Variants in SNTG1 observed in about 807,000 individuals in gnomAD.
SNTG1 encodes the protein syntrophin gamma 1, also known as gamma-1-syntrophin.
In SNTG1, 39 loss-of-function variants were observed where a neutral mutation model predicts 74.7. The observed-to-expected ratio is 0.52, with a 90% confidence interval of 0.40 to 0.68. The LOEUF (loss-of-function observed/expected upper bound fraction) is 0.68. SNTG1 is among the 30% of genes least tolerant of loss of function. SNTG1 has a pLI of 0.00. For synonymous variants in SNTG1, 254 were observed against 217.1 expected (o/e 1.17, Z -1.49); for missense variants, 685 against 609.5 (o/e 1.12, Z -1.30).
At chr8:50,380,168 T>A (rs920819750) in intron 2 of SNTG1, among the ~76,000 whole-genome samples, 1 of 152,192 alleles carries the variant, frequency 6.6e-6, no homozygotes, top group African/African-American at 2.4e-5. Context: ...CATAAAAAGG[T>A]TAAAGATGCT....
At chr8:50,158,690 G>A (rs1038379619) in intron 1 of SNTG1, among the ~76,000 whole-genome samples, 1 of 151,950 alleles carries the variant, frequency 6.6e-6, no homozygotes, top group African/African-American at 2.4e-5. Context: ...CAGTAATACT[G>A]CATAATTTGT....
At chr8:49,997,516 T>G (rs1814341224) in intron 1 of SNTG1, among the ~76,000 whole-genome samples, 1 of 152,130 alleles carries the variant, frequency 6.6e-6, no homozygotes, top group Non-Finnish European at 1.5e-5. Context: ...TCAAGTCCTA[T>G]TTCTCCCACC....
intron 2 of SNTG1, among the ~76,000 whole-genome samples, chr8:50,268,971 T>C (rs185332839): frequency 1.3e-5 from 2 of 152,270 alleles, no homozygotes; most frequent in Admixed American, 6.5e-5. Flanking sequence ...AACCAGTTTT[T>C]GAAAGGTACA....
At chr8:50,298,239 GTATT>G (rs2089482449) in intron 2 of SNTG1, among the ~76,000 whole-genome samples, 1 of 152,048 alleles carries the variant, frequency 6.6e-6, no homozygotes, top group East Asian at 1.9e-4. Context: ...ATCTGCCTAA[GTATT>G]TATATTTCAA....
intron 15 of SNTG1, among the ~76,000 whole-genome samples, chr8:50,688,759 T>C (rs544970882): frequency 1.3e-5 from 2 of 152,266 alleles, no homozygotes; most frequent in East Asian, 1.9e-4. Flanking sequence ...TGGTTCCATA[T>C]GAACTTTAAA....
chr8:49,991,782 C>T (rs1054375519), intron 1 of SNTG1, among the ~76,000 whole-genome samples: 5 of 152,058 alleles, frequency 3.3e-5, no homozygotes. Flanking sequence ...AAAATAGGTT[C>T]GTGGTTGCCA....
intron 2 of SNTG1, among the ~76,000 whole-genome samples, chr8:50,183,189 T>C (rs1376266632): frequency 2.0e-5 from 3 of 152,226 alleles, no homozygotes; most frequent in Non-Finnish European, 2.9e-5. Context: ...GACATCAACC[T>C]GGTCACTCCT....
At chr8:50,551,048 T>C in intron 11 of SNTG1, among the ~76,000 whole-genome samples, 1 of 152,074 alleles carries the variant, frequency 6.6e-6, no homozygotes, top group Non-Finnish European at 1.5e-5. Context: ...GATCCACCAA[T>C]TATTCAGAAA....
rs146907803 is a variant in SNTG1, at chr8:49,922,065, A to C, written c.-103+9834A>C. 8.6e-3 allele frequency among the ~76,000 whole-genome samples: 1,304 copies of C among 152,206 alleles called. 26 individuals are homozygous for C. The highest frequency in any genetic ancestry group is 0.03 in the African/African-American group (1,234 of 41,528). On this transcript the variant is annotated intron_variant, in intron 1 of 18. Coordinates refer to ENST00000642720, the MANE Select transcript of SNTG1 (RefSeq NM_018967.5). ...ATTTTTCTAAAAGAAATTTTGGAGC[A>C]TGAAGAATGCATACAAGGGGTCTGC...
chr8:50,465,588 C>G lies in SNTG1; in HGVS notation c.363+14859C>G, dbSNP rs144695310. Reference sequence around the variant, plus strand: ...TAGTTTCACTGCCCTAAAAAATCCTCTAGGATCCATTTGTTCCTACTATCC... The same window carrying G: ...TAGTTTCACTGCCCTAAAAAATCCTGTAGGATCCATTTGTTCCTACTATCC... On this transcript the variant is annotated intron_variant, in intron 8 of 18. Transcript: ENST00000642720. Among the ~76,000 whole-genome samples the G allele has an allele frequency of 1.8e-3, 277 of 152,276 alleles. 4 individuals are homozygous for G. The highest frequency in any genetic ancestry group is 6.3e-3 in the African/African-American group (262 of 41,582).
intron 1 of SNTG1, among the ~76,000 whole-genome samples, chr8:50,169,540 A>G (rs902691149): frequency 6.6e-6 from 1 of 152,226 alleles, no homozygotes; most frequent in Non-Finnish European, 1.5e-5. Flanking sequence ...TGGGAAGGAC[A>G]TGGTGGCAAG....
intron 2 of SNTG1, among the ~76,000 whole-genome samples, chr8:50,390,272 G>A (rs568719149): frequency 6.6e-6 from 1 of 152,276 alleles, no homozygotes; most frequent in South Asian, 2.1e-4. Context: ...AAGGTATAAG[G>A]AAGGGATCCA....
chr8:50,596,392 A>C (rs948971440), intron 13 of SNTG1, among the ~76,000 whole-genome samples: 1 of 152,052 alleles, frequency 6.6e-6, no homozygotes, highest in African/African-American at 2.4e-5. Flanking sequence ...TAAATTTTCA[A>C]CTATTTTTTA....
intron 12 of SNTG1, among the ~76,000 whole-genome samples, chr8:50,553,752 C>G (rs185924749): frequency 1.3e-5 from 2 of 152,128 alleles, no homozygotes; most frequent in Non-Finnish European, 2.9e-5. Context: ...ATTATTTTAA[C>G]TCTTTAATAA....
At chr8:49,934,893 C>A (rs1807917786) in intron 1 of SNTG1, among the ~76,000 whole-genome samples, 1 of 151,734 alleles carries the variant, frequency 6.6e-6, no homozygotes, top group African/African-American at 2.4e-5. Context: ...AAAAAAAATG[C>A]TGAAACAAAG....
intron 15 of SNTG1, among the ~76,000 whole-genome samples, chr8:50,662,858 A>G (rs2131301380): frequency 6.6e-6 from 1 of 152,310 alleles, no homozygotes; most frequent in Admixed American, 6.5e-5. Flanking sequence ...GAATTGGTTA[A>G]CTGATTTGTG....
At chr8:50,213,927 A>G (rs1388461747) in intron 2 of SNTG1, among the ~76,000 whole-genome samples, 1 of 151,614 alleles carries the variant, frequency 6.6e-6, no homozygotes, top group African/African-American at 2.4e-5. Context: ...GAAGCTCTTT[A>G]GTTTAATTAG....
chr8:50,265,245 A>G (rs774519366), intron 2 of SNTG1, among the ~76,000 whole-genome samples: 4 of 152,106 alleles, frequency 2.6e-5, no homozygotes, highest in African/African-American at 9.7e-5. Context: ...AGCACCAGAA[A>G]ATCAATCCCA....
chr8:50,017,677 CG>C (rs1816455068), intron 1 of SNTG1, among the ~76,000 whole-genome samples: 1 of 151,516 alleles, frequency 6.6e-6, no homozygotes, highest in Non-Finnish European at 1.5e-5. Flanking sequence ...AAAAAGCATA[CG>C]TTATAATGAT....
Sources: allele counts gnomAD v4.1 joint callset (sites outside exome capture counted in the v4.1 genomes callset), GRCh38; gene constraint gnomAD v4.1.1; transcripts MANE v1.5; gene names NCBI Gene and HGNC (gene_info 2026-07-23, HGNC 2026-07-21).